The following URB1 variants were observed in gnomAD, a reference collection of about 807,000 sequenced individuals.
The protein encoded by URB1 is nucleolar pre-ribosomal-associated protein 1.
In URB1, 197 loss-of-function variants were observed where a neutral mutation model predicts 242.3. The ratio of observed to expected loss-of-function variants is 0.81; its 90% CI spans 0.72 to 0.91. The LOEUF (loss-of-function observed/expected upper bound fraction) is 0.91, where lower values mean the gene tolerates loss of function less well. Ranked by LOEUF, URB1 falls within the 40% of genes least tolerant of loss-of-function variation. URB1 has a pLI of 0.00. For missense variants in URB1, 2,721 were observed against 2,860.5 expected (o/e 0.95, Z 1.11); for synonymous variants, 1,153 against 1,201.8 (o/e 0.96, Z 0.84).
At chr21:32,357,762 T>G in intron 14 of URB1, 106 bp from the exon 15 acceptor site, 1 of 937,264 alleles carries the variant, frequency 1.1e-6, no homozygotes, top group Non-Finnish European at 1.3e-6. Context: ...GCGTGGTGGC[T>G]TACACCTGTA....
chr21:32,377,746 C>A (rs2033475479), intron 5 of URB1, among the ~76,000 whole-genome samples: 1 of 152,104 alleles, frequency 6.6e-6, no homozygotes, highest in African/African-American at 2.4e-5. Flanking sequence ...GGGCTGGAGA[C>A]CCAAACACCC....
At chr21:32,339,082 C>T (rs1269154218) in intron 25 of URB1, among the ~76,000 whole-genome samples, 182 bp from the exon 26 acceptor site, 1 of 152,162 alleles carries the variant, frequency 6.6e-6, no homozygotes, top group Non-Finnish European at 1.5e-5. Flanking sequence ...GCAGCCTCTG[C>T]CTCCCAAGTG....
At position 32,317,900 on chromosome 21, in the gene URB1, A is replaced by G; in HGVS notation, c.5810T>C (p.Val1937Ala). The change falls in exon 37 of 39, where the codon GTC becomes GCC. Residue 1937 changes from valine (V) to alanine (A), a missense_variant. Transcript: ENST00000382751. Reference protein sequence around the residue: ...MKHLRPTLAPVQLTNFFGTLD... With the variant: ...MKHLRPTLAPAQLTNFFGTLD... ...TGTCCCGAAGAAGTTGGTCAGCTGG[A>G]CGGGGGCCAAGGTGGGCCTGTTTGG... 1 of 1,551,682 alleles carries G rather than the reference A, an allele frequency of 6.4e-7. No individual in the cohort carries two copies. The highest frequency in any genetic ancestry group is 1.2e-5 in the South Asian group (1 of 84,052).
intron 18 of URB1, among the ~76,000 whole-genome samples, chr21:32,353,339 G>A (rs2033180724): frequency 6.6e-6 from 1 of 152,150 alleles, no homozygotes; most frequent in African/African-American, 2.4e-5. Flanking sequence ...TGGTGATCTT[G>A]GAAGCCATAA....
At position 32,316,834 on chromosome 21, in the gene URB1, G is replaced by A. The variant is rs1418245444; in HGVS notation, c.6266C>T (p.Ala2089Val). The change falls in exon 38 of 39, where the codon GCG becomes GTG. Residue 2089 changes from alanine to valine, a missense_variant. Ala to Val is a moderately conservative substitution (Grantham distance 64, BLOSUM62 0). Coordinates refer to ENST00000382751, the MANE Select transcript of URB1 (RefSeq NM_014825.3). ...PVDSASPESD[A>V]PGPVYAAASL... The stretch of plus-strand genomic sequence containing the variant: ...AGCGGCAGCATATACGGGGCCTGGC[G>A]CATCGCTCTCGGGGCTGGCTGAGTC... 8 of 1,547,814 alleles carry A rather than the reference G, an allele frequency of 5.2e-6. No homozygotes were observed. Among genetic ancestry groups the A allele is most frequent in the Non-Finnish European group, 5.2e-6 (6 of 1,144,548 alleles).
Position 32,366,767 on chromosome 21 carries a change from A to T in URB1, c.1198-12T>A. The T allele has an allele frequency of 6.4e-7, 1 of 1,550,914 alleles. No individual in the cohort carries two copies. Among genetic ancestry groups the T allele is most frequent in the Non-Finnish European group, 8.7e-7 (1 of 1,146,630 alleles). On this transcript the variant is annotated splice_polypyrimidine_tract_variant and intron_variant, in intron 9 of 38. Coordinates refer to ENST00000382751, the MANE Select transcript of URB1 (RefSeq NM_014825.3). ...TGAGCCTCATAGATCTAGGAAAAGC[A>T]AAAAAGAGATTTAGGTGGTGCTAGA...
At chr21:32,354,791 A>G in intron 17 of URB1, 68 bp downstream of exon 17, 19 of 1,509,302 alleles carry the variant, frequency 1.3e-5, no homozygotes, top group Non-Finnish European at 1.6e-5. Context: ...CTTGTTCTCA[A>G]TCTCTTAACA....
intron 1 of URB1, among the ~76,000 whole-genome samples, chr21:32,387,312 T>TGAACCTGC (rs2033593876): frequency 6.6e-6 from 1 of 152,084 alleles, no homozygotes; most frequent in South Asian, 2.1e-4. Context: ...GAGAATCACT[T>TGAACCTGC]GAACCTGCCT....
chr21:32,332,998 T>A, intron 30 of URB1: 1 of 329,722 alleles, frequency 3.0e-6, no homozygotes. Context: ...CTCTCATTTC[T>A]GTTGGTATTT....
chr21:32,318,564 A>C (rs16989254), intron 36 of URB1, among the ~76,000 whole-genome samples: 1 of 152,242 alleles, frequency 6.6e-6, no homozygotes, highest in Admixed American at 6.5e-5. Context: ...TCTTTTTATC[A>C]GGACATTTTT....
intron 24 of URB1, among the ~76,000 whole-genome samples, chr21:32,344,018 G>A (rs1432214830): frequency 6.6e-6 from 1 of 152,096 alleles, no homozygotes; most frequent in African/African-American, 2.4e-5. Flanking sequence ...ATACTTAAAG[G>A]AGGAAAAAAC....
intron 1 of URB1, among the ~76,000 whole-genome samples, chr21:32,389,628 G>A (rs1247179249): frequency 1.3e-5 from 2 of 152,248 alleles, no homozygotes; most frequent in African/African-American, 4.8e-5. Flanking sequence ...TGATGCAGAC[G>A]GAGGGTTCTG....
intron 7 of URB1, among the ~76,000 whole-genome samples, 152 bp downstream of exon 7, chr21:32,373,495 A>G (rs921846889): frequency 6.7e-6 from 1 of 149,416 alleles, no homozygotes; most frequent in African/African-American, 2.6e-5. Context: ...TGCAGTTAGC[A>G]GAGGGTTAAT....
intron 35 of URB1, 71 bp from the exon 36 acceptor site, chr21:32,319,485 C>A: frequency 7.3e-7 from 1 of 1,378,054 alleles, no homozygotes. Flanking sequence ...TATCGCCCTC[C>A]ATAATCCTAT....
At chr21:32,334,649 T>C (rs2032936766) in intron 28 of URB1, among the ~76,000 whole-genome samples, 1 of 152,152 alleles carries the variant, frequency 6.6e-6, no homozygotes, top group South Asian at 2.1e-4. Flanking sequence ...GGTACTATTA[T>C]TATACCCCTT....
intron 32 of URB1, 98 bp downstream of exon 32, chr21:32,324,393 A>G (rs758324489): frequency 3.1e-6 from 3 of 971,958 alleles, no homozygotes; most frequent in Non-Finnish European, 4.8e-6. Flanking sequence ...TTGAACACAG[A>G]TGTGTGACCC....
In URB1 at chr21:32,352,026, G is replaced by A. The variant is rs138578151; in HGVS notation, c.2613+684C>T. 7.5e-3 allele frequency among the ~76,000 whole-genome samples: 1,135 copies of A among 152,236 alleles called. 9 individuals are homozygous for A. Among genetic ancestry groups the A allele is most frequent in the Middle Eastern group, 0.044 (13 of 294 alleles). On this transcript the variant is annotated intron_variant, in intron 19 of 38. Transcript: ENST00000382751. ...ACATAGTACACTTAGTACAGGACCC[G>A]GTATGCCTCCAAAAAACACACAGAA...
At chr21:32,364,600 G>A (rs1055496253) in intron 10 of URB1, among the ~76,000 whole-genome samples, 16 of 152,258 alleles carry the variant, frequency 1.1e-4, no homozygotes, top group African/African-American at 2.9e-4. Context: ...CCCCACAATC[G>A]CTTCAAAGGC....
Position 32,370,243 on chromosome 21 carries a change from T to C in URB1, c.1002-1645A>G, listed in dbSNP as rs554594164. ...CGGTGTCTCACATCCCCCTTATAAATTGAGTAAAACTACAATGCTATATGA... is the reference window on the plus strand; with the variant it reads ...CGGTGTCTCACATCCCCCTTATAAACTGAGTAAAACTACAATGCTATATGA... On this transcript the variant is annotated intron_variant, in intron 8 of 38. Coordinates refer to ENST00000382751, the MANE Select transcript of URB1 (RefSeq NM_014825.3). Among the ~76,000 whole-genome samples the C allele has an allele frequency of 9.9e-5, 15 of 152,114 alleles. 1 individual carries two copies. The highest frequency in any genetic ancestry group is 3.1e-4 in the African/African-American group (13 of 41,480).
Sources: allele counts gnomAD v4.1 joint callset (sites outside exome capture counted in the v4.1 genomes callset), GRCh38; gene constraint gnomAD v4.1.1; transcripts MANE v1.5; gene names NCBI Gene and HGNC (gene_info 2026-07-23, HGNC 2026-07-21).